The following SLC44A2 variants were observed in gnomAD, a reference collection of about 807,000 sequenced individuals.
SLC44A2 encodes the protein choline transporter-like protein 2.
SLC44A2 carries 57 observed loss-of-function variants against 90.8 expected under a neutral mutation model. The ratio of observed to expected loss-of-function variants is 0.63; its 90% CI spans 0.51 to 0.78. SLC44A2 has a LOEUF of 0.78. Ranked by LOEUF, SLC44A2 falls within the 30% of genes least tolerant of loss-of-function variation. SLC44A2 has a pLI of 0.00. For missense variants in SLC44A2, 794 were observed against 919.7 expected (o/e 0.86, Z 1.77); for synonymous variants, 355 against 360.7 (o/e 0.98, Z 0.18).
At chr19:10,635,610 T>C (rs2067045783) in intron 14 of SLC44A2, 95 bp downstream of exon 14, 3 of 1,095,366 alleles carry the variant, frequency 2.7e-6, no homozygotes, top group African/African-American at 1.6e-5. Flanking sequence ...CAGCAAACAA[T>C]TGGCCCCTGT....
chr19:10,638,558 C>G (rs1001770460), intron 20 of SLC44A2, among the ~76,000 whole-genome samples: 1 of 152,128 alleles, frequency 6.6e-6, no homozygotes, highest in Non-Finnish European at 1.5e-5. Context: ...AATTCTCGAG[C>G]TTTTGCCTCC....
rs1489369978 is a variant in SLC44A2, at chr19:10,636,650, C to T, written c.1497-12C>T. ...GCCTGGCCCAGCCACCGACCACTCC[C>T]TCGGCCCGCAGGTACCACACAGGCT... On this transcript the variant is annotated splice_polypyrimidine_tract_variant and intron_variant, in intron 15 of 21. Transcript: ENST00000335757. The T allele has an allele frequency of 6.2e-7, 1 of 1,611,494 alleles. No individual in the cohort carries two copies. The highest frequency in any genetic ancestry group is 8.5e-7 in the Non-Finnish European group (1 of 1,179,184).
chr19:10,637,304 A>G (rs1389350693), intron 16 of SLC44A2, among the ~76,000 whole-genome samples: 1 of 152,138 alleles, frequency 6.6e-6, no homozygotes, highest in Non-Finnish European at 1.5e-5. Context: ...GTGGGCCGAG[A>G]CCGAGCGACT....
chr19:10,625,497 T>G, upstream of SLC44A2: 6 of 1,215,340 alleles, frequency 4.9e-6, no homozygotes, highest in Admixed American at 4.3e-5. Context: ...GTCTGACCGG[T>G]TTGGGCCGCC....
intron 1 of SLC44A2, 102 bp from the exon 2 acceptor site, chr19:10,626,151 C>G (rs1204396749): frequency 1.1e-6 from 1 of 940,588 alleles, no homozygotes; most frequent in East Asian, 2.4e-5. Flanking sequence ...TTTATTCTTG[C>G]CAAGGCAAAG....
chr19:10,631,663 G>T lies in SLC44A2; in HGVS notation c.540G>T (p.Lys180Asn). 1 of 1,613,592 alleles carries T rather than the reference G, an allele frequency of 6.2e-7. No homozygotes were observed. Among genetic ancestry groups the T allele is most frequent in the Non-Finnish European group, 8.5e-7 (1 of 1,180,028 alleles). ...GCTTCCCCGCTATCCACGCCTACAA[G>T]GGTGTCCTGATGGTGGGCAATGAGA... is the stretch of plus-strand genomic sequence containing the variant. ...RRCFPAIHAY[K>N]GVLMVGNETT... The change falls in exon 8 of 22, where the codon AAG (lysine) becomes AAT (asparagine). Residue 180 changes from lysine (K) to asparagine (N), a missense_variant. Physicochemically the swap from Lys to Asn is moderately conservative, Grantham distance 94. Transcript: ENST00000335757.
chr19:10,606,865 ATATGTATG>A (rs35957648), intron 1 of SLC44A2, among the ~76,000 whole-genome samples: 9 of 143,692 alleles, frequency 6.3e-5, no homozygotes, highest in Admixed American at 2.2e-4. Flanking sequence ...ATACACATAT[ATATGTATG>A]TATGTATGTA....
In SLC44A2 at chr19:10,638,059, CCTGTTGGG is replaced by C; in HGVS notation, c.1808_1815del (p.Leu603GlnfsTer7). ...TGGATAAAGTTACTGACTTCCTCTT[CCTGTTGGG>C]CAAACTTCTGATCGTTGGTAGTGTG... On this transcript the variant is annotated frameshift_variant, in exon 19 of 22. Coordinates refer to ENST00000335757, the MANE Select transcript of SLC44A2 (RefSeq NM_020428.4). LOFTEE classifies it high-confidence loss of function. The C allele has an allele frequency of 1.2e-6, 2 of 1,614,042 alleles. No homozygotes were observed. The highest frequency in any genetic ancestry group is 1.7e-6 in the Non-Finnish European group (2 of 1,179,990).
Position 10,627,790 on chromosome 19 carries a change from T to C in SLC44A2, c.155T>C (p.Ile52Thr). The C allele has an allele frequency of 6.2e-7, 1 of 1,614,040 alleles. No homozygotes were observed. Among genetic ancestry groups the C allele is most frequent in the Non-Finnish European group, 8.5e-7 (1 of 1,180,014 alleles). ...LAIVGYVAVGIIAWTHGDPRK... is the reference protein window; with the variant it reads ...LAIVGYVAVGTIAWTHGDPRK... ...ATTGTGGGCTACGTGGCTGTAGGCATCATAGGTGAGTAGAGAATGAGCAGG... is the reference window on the plus strand; with the variant it reads ...ATTGTGGGCTACGTGGCTGTAGGCACCATAGGTGAGTAGAGAATGAGCAGG... The change falls in exon 3 of 22, where the codon ATC (isoleucine) becomes ACC (threonine). Residue 52 changes from isoleucine to threonine, a missense_variant. Around this residue, in one of 3 missense-constraint regions of SLC44A2, gnomAD observed 738 missense variants for 841.1 expected, o/e 0.88. Coordinates refer to ENST00000335757, the MANE Select transcript of SLC44A2 (RefSeq NM_020428.4).
upstream of SLC44A2, among the ~76,000 whole-genome samples, chr19:10,620,759 A>C (rs1700891635): frequency 6.6e-6 from 1 of 151,972 alleles, no homozygotes; most frequent in South Asian, 2.1e-4. Context: ...AAGAAGCAAA[A>C]TGTATCACAT....
Position 10,638,024 on chromosome 19 carries a change from G to A in SLC44A2, c.1771G>A (p.Val591Met). ...CCTGCCCCTCACTGTCCCCTGCAGA[G>A]TGGCTGTCCTGGATAAAGTTACTGA... Reference protein sequence around the residue: ...FFLLMRNIIRVAVLDKVTDFL... With the variant: ...FFLLMRNIIRMAVLDKVTDFL... Residue 591 changes from valine to methionine, a missense_variant and splice_region_variant, in exon 19 of 22, where the codon GTG becomes ATG. Val to Met is a conservative substitution (Grantham distance 21). Around this residue, in one of 3 missense-constraint regions of SLC44A2, gnomAD observed 738 missense variants for 841.1 expected, o/e 0.88. Coordinates refer to ENST00000335757, the MANE Select transcript of SLC44A2 (RefSeq NM_020428.4). 1 of 1,614,066 alleles carries A rather than the reference G, an allele frequency of 6.2e-7. No individual in the cohort carries two copies. The highest frequency in any genetic ancestry group is 1.1e-5 in the South Asian group (1 of 91,068).
chr19:10,610,223 GACAGATGATATGTGAACC>G (rs1918245332), intron 1 of SLC44A2, among the ~76,000 whole-genome samples: 1 of 151,288 alleles, frequency 6.6e-6, no homozygotes, highest in African/African-American at 2.4e-5. Flanking sequence ...ATATATATAT[GACAGATGATATGTGAACC>G]ACAAAGCTTA....
At chr19:10,609,505 T>C (rs1312060856) in intron 1 of SLC44A2, among the ~76,000 whole-genome samples, 1 of 152,000 alleles carries the variant, frequency 6.6e-6, no homozygotes, top group Non-Finnish European at 1.5e-5. Context: ...TTGCCATGTT[T>C]GTCAGGCTGG....
chr19:10,619,618 G>A (rs562868245), intron 1 of SLC44A2, among the ~76,000 whole-genome samples: 7 of 151,824 alleles, frequency 4.6e-5, no homozygotes, highest in Admixed American at 6.6e-5. Context: ...GATTACAGGC[G>A]TCAGCCACTA....
chr19:10,643,361 C>T lies in SLC44A2; in HGVS notation c.2097C>T (p.Thr699=), dbSNP rs141422864. The T allele has an allele frequency of 3.1e-6, 5 of 1,612,884 alleles. No homozygotes were observed. In the South Asian group the frequency reaches 4.4e-5, roughly 14 times the overall value. ...CCCTCAAGAAACTCTTGAACAAGAC[C>T]AACAAGAAGGCAGCGGAGTCCTGAA... The part of the protein sequence containing the change: ...SSTLKKLLNK[T]NKKAAES Residue 699 remains threonine, a synonymous_variant, in exon 22 of 22, where the codon ACC becomes ACT. Transcript: ENST00000335757.
intron 4 of SLC44A2, among the ~76,000 whole-genome samples, chr19:10,630,266 C>G (rs958523624): frequency 1.3e-5 from 2 of 151,988 alleles, no homozygotes; most frequent in Non-Finnish European, 2.9e-5. Context: ...TGGAGGATCA[C>G]TTGATCCTAG....
At chr19:10,642,334 C>T (rs746773817) in intron 20 of SLC44A2, 33 bp from the exon 21 acceptor site, 77 of 1,593,934 alleles carry the variant, frequency 4.8e-5, no homozygotes, top group Admixed American at 1.0e-4. Context: ...GGGAAGGACA[C>T]GGAGCAGGGA....
At position 10,637,503 on chromosome 19, in the gene SLC44A2, C is replaced by A. The variant is rs115294128; in HGVS notation, c.1592-141C>A. 8.2e-4 allele frequency: 585 copies of A among 717,770 alleles called. 4 individuals carry two copies. The African/African-American group carries it at 9.2e-3, about 11-fold the overall frequency. 44.5% of individuals were successfully genotyped at this position (717,770 alleles called of 1,614,324 possible). A position where few individuals can be genotyped will look rare whatever the true frequency, so the allele number is the denominator to read the frequency against. On this transcript the variant is annotated intron_variant, in intron 16 of 21. Transcript: ENST00000335757. ...CATAGCTCACTGCAGCCTCAAACTC[C>A]TGGGCTTAAGTCCCTGTCTCTTTGA...
chr19:10,612,907 G>A (rs1335218741), intron 1 of SLC44A2, among the ~76,000 whole-genome samples: 1 of 152,192 alleles, frequency 6.6e-6, no homozygotes, highest in Non-Finnish European at 1.5e-5. Context: ...AAAAGGCCTG[G>A]GTTGGCTCCA....
Sources: allele counts gnomAD v4.1 joint callset (sites outside exome capture counted in the v4.1 genomes callset), GRCh38; gene constraint gnomAD v4.1.1; regional missense constraint gnomAD v4.1.1; transcripts MANE v1.5; gene names NCBI Gene and HGNC (gene_info 2026-07-23, HGNC 2026-07-21).